The following CDK7 variants were observed in gnomAD, a reference collection of about 807,000 sequenced individuals.
CDK7 encodes cyclin dependent kinase 7.
In CDK7, 25 loss-of-function variants were observed where a neutral mutation model predicts 49.1. The ratio of observed to expected loss-of-function variants is 0.51; its 90% CI spans 0.37 to 0.71. The LOEUF (loss-of-function observed/expected upper bound fraction) is 0.71. Among genes scored for constraint, CDK7 ranks in the 30% least tolerant of loss-of-function variants. The probability of loss-of-function intolerance (pLI) is 0.00; values close to 1 mark genes in which losing one functional copy is unlikely to be tolerated. For missense variants in CDK7, 316 were observed against 411.7 expected, an observed-to-expected ratio of 0.77 and a Z score of 2.01; for synonymous variants, 107 against 140.0, an observed-to-expected ratio of 0.76 and a Z score of 1.67.
intron 2 of CDK7, among the ~76,000 whole-genome samples, chr5:69,236,543 T>A (rs368117463): frequency 0.15 from 23,153 of 152,086 alleles, 1,882 homozygotes; most frequent in African/African-American, 0.21. Context: ...AATTCCCCCT[T>A]TTTTTGGTCA....
Position 69,276,631 on chromosome 5 carries a change from A to G in CDK7, c.953A>G (p.Lys318Arg), listed in dbSNP as rs754114729. 1.9e-6 allele frequency: 3 copies of G among 1,614,164 alleles called. No homozygotes were observed. In the South Asian group the frequency reaches 3.3e-5, roughly 18 times the overall value. Residue 318 changes from lysine to arginine, a missense_variant, in exon 11 of 12, where the codon AAG becomes AGG. Physicochemically the swap from Lys to Arg is conservative, Grantham distance 26. Transcript: ENST00000256443. Reference protein sequence around the residue: ...PRPNCPVETLKEQSNPALAIK... With the variant: ...PRPNCPVETLREQSNPALAIK... ...CCAAACTGTCCAGTGGAAACCTTAA[A>G]GGAGCAATCAAATCCAGCTTTGGCA...
At chr5:69,245,397 A>C (rs1749686510) in intron 2 of CDK7, among the ~76,000 whole-genome samples, 2 of 148,112 alleles carry the variant, frequency 1.4e-5, no homozygotes. Flanking sequence ...CCTGGAGTGC[A>C]GTGGCGTCAT....
intron 11 of CDK7, 73 bp downstream of exon 11, chr5:69,276,763 T>C: frequency 1.6e-6 from 2 of 1,255,566 alleles, no homozygotes; most frequent in South Asian, 2.6e-5. Context: ...GGCTAGCGAC[T>C]GAACAACAGC....
intron 5 of CDK7, 79 bp downstream of exon 5, chr5:69,255,607 A>G: frequency 9.8e-7 from 1 of 1,015,828 alleles, no homozygotes; most frequent in South Asian, 1.3e-5. Context: ...TCTACCCAAG[A>G]AGATACTGGT....
rs1749743585 is a variant in CDK7 at position 69,246,207 on chromosome 5, G to T, written c.127-6211G>T. ...CTGGGAGTGCAGTGGCGCGATCTTG[G>T]CTCACTGCAATCTCCGCCTCCCAGG... is the stretch of plus-strand genomic sequence containing the variant. On this transcript the variant is annotated intron_variant, in intron 2 of 11. Transcript: ENST00000256443. Among the ~76,000 whole-genome samples the T allele has an allele frequency of 2.0e-5, 3 of 152,062 alleles. No homozygotes were observed. In the East Asian group the frequency reaches 5.8e-4, roughly 29 times the overall value.
At chr5:69,262,142 C>T (rs776675573) in intron 7 of CDK7, 63 bp from the exon 8 acceptor site, 2 of 1,604,158 alleles carry the variant, frequency 1.2e-6, no homozygotes, top group Non-Finnish European at 1.7e-6. Flanking sequence ...TCGTTCATCC[C>T]TAGAGATAGA....
rs545243314 is a variant in CDK7 at position 69,237,668 on chromosome 5, C to T, written c.126+2215C>T. Among the ~76,000 whole-genome samples the T allele has an allele frequency of 7.9e-5, 12 of 152,244 alleles. No homozygotes were observed. The South Asian group carries it at 2.5e-3, about 32-fold the overall frequency. ...CACTGTTAAAAATGTATTGGCCTTT[C>T]AGCTGGGCGCGGTGGCTCATGTTTG... On this transcript the variant is annotated intron_variant, in intron 2 of 11. Transcript: ENST00000256443.
At chr5:69,251,272 A>G (rs887388026) in intron 2 of CDK7, among the ~76,000 whole-genome samples, 2 of 151,564 alleles carry the variant, frequency 1.3e-5, no homozygotes, top group Non-Finnish European at 2.9e-5. Context: ...TAATTTCTGT[A>G]TTTTTTTAAT....
intron 2 of CDK7, among the ~76,000 whole-genome samples, chr5:69,244,511 C>T (rs569200258): frequency 6.6e-6 from 1 of 152,086 alleles, no homozygotes; most frequent in African/African-American, 2.4e-5. Flanking sequence ...TGGCGCATGC[C>T]TGTAATCCCA....
At chr5:69,243,826 GTT>G (rs747576681) in intron 2 of CDK7, among the ~76,000 whole-genome samples, 2,134 of 65,808 alleles carry the variant, frequency 0.032, 4 homozygotes, top group Non-Finnish European at 0.046. Flanking sequence ...AATGATAGTT[GTT>G]TTTTTTTTTT....
At chr5:69,239,399 CTTT>C (rs762808839) in intron 2 of CDK7, among the ~76,000 whole-genome samples, 1 of 151,990 alleles carries the variant, frequency 6.6e-6, no homozygotes, top group Non-Finnish European at 1.5e-5. Flanking sequence ...GGATTACGTA[CTTT>C]TTTTGTCCTA....
chr5:69,277,406 A>AGTTTC lies in CDK7; in HGVS notation c.*271_*272insGTTTC. The AGTTTC allele has an allele frequency of 6.6e-6, 2 of 303,800 alleles. No homozygotes were observed. 18.8% of individuals were successfully genotyped at this position (303,800 alleles called of 1,614,324 possible). On this transcript the variant is annotated 3_prime_UTR_variant, in exon 12 of 12. Coordinates refer to ENST00000256443, the MANE Select transcript of CDK7 (RefSeq NM_001799.4). ...CATTAGGGAAAACTTAATAAAAATT[A>AGTTTC]TTACCAGTTATTTGGAAGATCTGAC...
chr5:69,272,483 CAT>C (rs1325098310), intron 9 of CDK7, among the ~76,000 whole-genome samples: 1 of 152,152 alleles, frequency 6.6e-6, no homozygotes, highest in Non-Finnish European at 1.5e-5. Flanking sequence ...GGATAATTAA[CAT>C]CCTTCCTCTG....
rs1752246633 is a variant in CDK7, at chr5:69,277,252, G to A, written c.*117G>A. 3 of 575,242 alleles carry A rather than the reference G, an allele frequency of 5.2e-6. No homozygotes were observed. The East Asian group carries it at 9.0e-5, about 17-fold the overall frequency. The allele number at this position is 575,242 out of a possible 1,614,324, so 35.6% of individuals were successfully genotyped here. ...GTGAGTTTGTAAATATTCTACACAT[G>A]TAAAATATGTAAAACTATGGGTTAT... On this transcript the variant is annotated 3_prime_UTR_variant, in exon 12 of 12. Coordinates refer to ENST00000256443, the MANE Select transcript of CDK7 (RefSeq NM_001799.4).
chr5:69,255,646 G>T, intron 5 of CDK7, 118 bp downstream of exon 5: 1 of 807,202 alleles, frequency 1.2e-6, no homozygotes, highest in South Asian at 1.4e-5. Flanking sequence ...TAATTTTGTT[G>T]AAATTTGGAT....
intron 10 of CDK7, 69 bp downstream of exon 10, chr5:69,273,110 A>G (rs1406087989): frequency 1.8e-6 from 2 of 1,103,008 alleles, no homozygotes; most frequent in East Asian, 5.4e-5. Flanking sequence ...TGATAAAAAT[A>G]GAATTTCATA....
intron 6 of CDK7, among the ~76,000 whole-genome samples, chr5:69,259,253 G>C (rs1179593600): frequency 6.6e-6 from 1 of 152,094 alleles, no homozygotes; most frequent in East Asian, 1.9e-4. Context: ...TACAGTTTAT[G>C]AAATAGTGGG....
intron 4 of CDK7, among the ~76,000 whole-genome samples, chr5:69,254,954 ACCTTTCTTTCTG>A (rs1424997464): frequency 6.6e-6 from 1 of 152,076 alleles, no homozygotes; most frequent in Non-Finnish European, 1.5e-5. Context: ...TGAATTCAAA[ACCTTTCTTTCTG>A]CCTGTGTGAG....
intron 2 of CDK7, among the ~76,000 whole-genome samples, chr5:69,248,991 G>A (rs1749954078): frequency 1.3e-5 from 2 of 151,350 alleles, no homozygotes; most frequent in Admixed American, 1.3e-4. Context: ...TAACTTTCTT[G>A]TACTTGAATA....
Sources: gnomAD v4.1 joint callset for allele counts (sites outside exome capture counted in the v4.1 genomes callset) on GRCh38, gnomAD v4.1.1 for gene constraint, MANE v1.5 for transcripts, NCBI Gene and HGNC (gene_info 2026-07-23, HGNC 2026-07-21) for gene names.